The following C8orf34 variants were observed in gnomAD, a reference collection of about 807,000 sequenced individuals.
C8orf34 encodes the protein chromosome 8 open reading frame 34.
A neutral mutation model predicts 68.3 loss-of-function variants in C8orf34; 65 were observed. That is an observed-to-expected ratio of 0.95 (90% CI 0.78 to 1.17). The LOEUF is 1.17. Ranked by LOEUF, C8orf34 falls within the 50% of genes most tolerant of loss-of-function variation. C8orf34 has a pLI of 0.00. For missense variants in C8orf34, 664 were observed against 655.4 expected, an observed-to-expected ratio of 1.01 and a Z score of -0.14; for synonymous variants, 244 against 241.2, an observed-to-expected ratio of 1.01 and a Z score of -0.11.
intron 10 of C8orf34, among the ~76,000 whole-genome samples, chr8:68,755,207 C>T (rs368579598): frequency 1.8e-4 from 27 of 152,222 alleles, no homozygotes; most frequent in East Asian, 1.4e-3. Flanking sequence ...CAAACTAAAG[C>T]CCAAGTTCAA....
chr8:68,451,155 T>G (rs1467758908), intron 3 of C8orf34, among the ~76,000 whole-genome samples: 3 of 152,102 alleles, frequency 2.0e-5, no homozygotes, highest in African/African-American at 7.2e-5. Flanking sequence ...TCAAATTTTC[T>G]TCTGCAGATT....
chr8:68,815,745 G>A, intron 12 of C8orf34, 141 bp from the exon 13 acceptor site: 5 of 1,381,324 alleles, frequency 3.6e-6, no homozygotes, highest in South Asian at 1.3e-5. Context: ...CAGAATGGCA[G>A]CACAGTACAT....
At chr8:68,368,111 A>G (rs2129619679) in intron 1 of C8orf34, among the ~76,000 whole-genome samples, 1 of 152,220 alleles carries the variant, frequency 6.6e-6, no homozygotes, top group East Asian at 1.9e-4. Context: ...CAAAGTCATT[A>G]TGCCAGCCTC....
chr8:68,794,218 C>T (rs971416628), intron 12 of C8orf34, among the ~76,000 whole-genome samples: 2 of 151,724 alleles, frequency 1.3e-5, no homozygotes, highest in African/African-American at 2.4e-5. Context: ...GTCACCCAGA[C>T]TGGAGTGCAG....
intron 1 of C8orf34, among the ~76,000 whole-genome samples, chr8:68,431,306 A>G (rs1438445378): frequency 6.6e-6 from 1 of 152,220 alleles, no homozygotes; most frequent in Non-Finnish European, 1.5e-5. Flanking sequence ...ATAAAAGGCT[A>G]AAATAAAGTA....
chr8:68,517,031 A>C (rs1233927842), intron 5 of C8orf34, among the ~76,000 whole-genome samples: 3 of 152,200 alleles, frequency 2.0e-5, no homozygotes, highest in Non-Finnish European at 4.4e-5. Context: ...ATGCATTTTT[A>C]CATTACTAAA....
chr8:68,542,074 C>A (rs940635907), intron 7 of C8orf34, among the ~76,000 whole-genome samples: 2 of 152,152 alleles, frequency 1.3e-5, no homozygotes, highest in African/African-American at 4.8e-5. Context: ...CAACCTAATA[C>A]AAGGTTACTT....
At chr8:68,390,374 G>A (rs529400443) in intron 1 of C8orf34, among the ~76,000 whole-genome samples, 1 of 152,260 alleles carries the variant, frequency 6.6e-6, no homozygotes, top group South Asian at 2.1e-4. Context: ...GAACAAAAGG[G>A]TAGTGGCCAC....
chr8:68,539,536 A>C (rs1239536625), intron 7 of C8orf34, among the ~76,000 whole-genome samples: 2 of 152,190 alleles, frequency 1.3e-5, no homozygotes, highest in Non-Finnish European at 2.9e-5. Flanking sequence ...TTATTAAAAT[A>C]TCTCTAAATA....
intron 7 of C8orf34, among the ~76,000 whole-genome samples, chr8:68,637,760 G>T (rs776759768): frequency 1.4e-4 from 22 of 152,078 alleles, no homozygotes; most frequent in Non-Finnish European, 2.6e-4. Flanking sequence ...TAGCAAAATC[G>T]CAGGTTGATT....
At chr8:68,344,917 T>C (rs1806219022) in intron 1 of C8orf34, among the ~76,000 whole-genome samples, 1 of 152,030 alleles carries the variant, frequency 6.6e-6, no homozygotes, top group Non-Finnish European at 1.5e-5. Context: ...AAGAGTAATC[T>C]CTAGAATATA....
chr8:68,568,814 G>A (rs535528364), intron 7 of C8orf34, among the ~76,000 whole-genome samples: 15 of 152,280 alleles, frequency 9.9e-5, no homozygotes, highest in African/African-American at 3.6e-4. Flanking sequence ...TCTAGAATAG[G>A]ATAAGCAAAA....
intron 6 of C8orf34, chr8:68,525,568 T>C (rs1420488132): frequency 1.1e-6 from 1 of 921,758 alleles, no homozygotes; most frequent in Non-Finnish European, 1.7e-6. Flanking sequence ...GTCTTACTTC[T>C]TTGTGGTCCA....
At chr8:68,633,919 G>GA (rs2130708966) in intron 7 of C8orf34, among the ~76,000 whole-genome samples, 1 of 151,398 alleles carries the variant, frequency 6.6e-6, no homozygotes, top group South Asian at 2.1e-4. Flanking sequence ...GTTTTTGGCT[G>GA]AGCCTGAGAA....
intron 5 of C8orf34, among the ~76,000 whole-genome samples, chr8:68,520,104 T>C (rs1036502868): frequency 2.6e-5 from 4 of 152,180 alleles, no homozygotes; most frequent in Non-Finnish European, 2.9e-5. Flanking sequence ...ATTGTAGTGC[T>C]TTAATTTTCT....
chr8:68,406,293 T>TA (rs1490000861), intron 1 of C8orf34, among the ~76,000 whole-genome samples: 8 of 152,046 alleles, frequency 5.3e-5, no homozygotes, highest in Non-Finnish European at 5.9e-5. Context: ...GAGTTGAAGA[T>TA]AGATTGGATT....
At chr8:68,511,280 C>G (rs1453652840) in intron 5 of C8orf34, among the ~76,000 whole-genome samples, 1 of 152,122 alleles carries the variant, frequency 6.6e-6, no homozygotes, top group Non-Finnish European at 1.5e-5. Flanking sequence ...CACACCTGAA[C>G]AAGGGAGGGG....
chr8:68,457,414 C>T (rs575589665), intron 3 of C8orf34, among the ~76,000 whole-genome samples: 70 of 152,016 alleles, frequency 4.6e-4, no homozygotes, highest in African/African-American at 1.0e-3. Context: ...ATATTTAAAA[C>T]GAAAGTAGAG....
chr8:68,641,231 T>TCAAAC (rs1274412972), intron 8 of C8orf34, among the ~76,000 whole-genome samples: 10 of 152,350 alleles, frequency 6.6e-5, no homozygotes, highest in African/African-American at 2.2e-4. Flanking sequence ...TCTTTATGTC[T>TCAAAC]AGCTGCTCTA....
Sources: gnomAD v4.1 joint callset for allele counts (sites outside exome capture counted in the v4.1 genomes callset) on GRCh38, gnomAD v4.1.1 for gene constraint, MANE v1.5 for transcripts, NCBI Gene and HGNC (gene_info 2026-07-23, HGNC 2026-07-21) for gene names.